Variants in WWC1 observed in about 807,000 individuals in gnomAD.
The protein encoded by WWC1 is protein KIBRA.
In WWC1, 55 loss-of-function variants were observed where a neutral mutation model predicts 138.4. The observed-to-expected ratio is 0.40, with a 90% confidence interval of 0.32 to 0.50. The LOEUF is 0.50. Among genes scored for constraint, WWC1 ranks in the 20% least tolerant of loss-of-function variants. The probability of loss-of-function intolerance (pLI) is 0.72; values close to 1 mark genes in which losing one functional copy is unlikely to be tolerated. For synonymous variants in WWC1, 524 were observed against 564.9 expected (o/e 0.93, Z 1.03); for missense variants, 1,226 against 1,420.4 (o/e 0.86, Z 2.20).
At chr5:168,383,080 G>A (rs1199551094) in intron 2 of WWC1, among the ~76,000 whole-genome samples, 1 of 151,790 alleles carries the variant, frequency 6.6e-6, no homozygotes, top group Non-Finnish European at 1.5e-5. Flanking sequence ...GGAGGCTGAG[G>A]CAGGGATAAT....
At chr5:168,393,902 G>A (rs928234591) in intron 3 of WWC1, among the ~76,000 whole-genome samples, 14 of 152,162 alleles carry the variant, frequency 9.2e-5, no homozygotes, top group Admixed American at 7.2e-4. Context: ...TAGAAACTAA[G>A]CAAACGTAAA....
At chr5:168,431,494 CTG>C in intron 15 of WWC1, 50 bp downstream of exon 15, 1 of 1,562,476 alleles carries the variant, frequency 6.4e-7, no homozygotes, top group Non-Finnish European at 8.6e-7. Flanking sequence ...GGCTGGCTGG[CTG>C]GCTGGCTGAC....
At chr5:168,426,653 C>T (rs969939864) in intron 11 of WWC1, among the ~76,000 whole-genome samples, 12 of 152,350 alleles carry the variant, frequency 7.9e-5, no homozygotes, top group East Asian at 1.9e-4. Flanking sequence ...GAGGTCTCCG[C>T]GGGCTCAGCA....
Position 168,423,539 on chromosome 5 carries a change from A to T in WWC1, c.1281A>T (p.Ser427=), listed in dbSNP as rs1477773292. The T allele has an allele frequency of 6.2e-7, 1 of 1,610,424 alleles. No homozygotes were observed. Among genetic ancestry groups the T allele is most frequent in the African/African-American group, 1.3e-5 (1 of 74,942 alleles). Residue 427 remains serine (S), a synonymous_variant, in exon 11 of 23, where the codon TCA becomes TCT. Transcript: ENST00000265293. ...ATLHSQLKSL[S]SSMQSLSSGS... is the part of the protein sequence containing the mutation. ...TCCCCTCCCTGTGTCCCAGTCTCTC[A>T]AGCAGCATGCAGTCCCTGTCCTCAG... is the stretch of plus-strand genomic sequence containing the variant.
rs57788100 is a variant in WWC1, at chr5:168,403,871, T to TACACACACACAC, written c.591-2298_591-2287dup. ...ATTTGGAAATCCTAAAACACATGCA[T>TACACACACACAC]ACACACACACACACACACACACACA... On this transcript the variant is annotated intron_variant, in intron 5 of 22. Transcript: ENST00000265293. 4.9e-3 allele frequency among the ~76,000 whole-genome samples: 664 copies of TACACACACACAC among 134,410 alleles called. 4 individuals are homozygous for TACACACACACAC. Among genetic ancestry groups the TACACACACACAC allele is most frequent in the African/African-American group, 0.012 (412 of 35,318 alleles). The allele number at this position is 134,410 out of a possible 152,430, so 88.2% of individuals were successfully genotyped here.
Position 168,292,185 on chromosome 5 carries a change from C to A in WWC1, c.33C>A (p.Gly11=). The A allele has an allele frequency of 6.4e-7, 1 of 1,551,806 alleles. No individual in the cohort carries two copies. The highest frequency in any genetic ancestry group is 8.7e-7 in the Non-Finnish European group (1 of 1,147,924). MPRPELPLPE[G]WEEARDFDGK... Reference sequence around the variant, plus strand: ...GGCCGGAGCTGCCCCTGCCGGAGGGCTGGGAGGAGGCGCGCGACTTCGACG... The same window carrying A: ...GGCCGGAGCTGCCCCTGCCGGAGGGATGGGAGGAGGCGCGCGACTTCGACG... The change falls in exon 1 of 23, where the codon GGC becomes GGA. Residue 11 remains glycine (G), a synonymous_variant. Transcript: ENST00000265293. The surrounding 1 kb of genome is among the most constrained non-coding windows in gnomAD (Gnocchi z 4.4).
At chr5:168,341,416 A>G (rs1400624249) in intron 1 of WWC1, among the ~76,000 whole-genome samples, 1 of 152,134 alleles carries the variant, frequency 6.6e-6, no homozygotes, top group Non-Finnish European at 1.5e-5. Flanking sequence ...AGCACCCCAT[A>G]GGCACAAGGC....
intron 1 of WWC1, among the ~76,000 whole-genome samples, chr5:168,352,490 C>G (rs1008449472): frequency 7.9e-5 from 12 of 152,066 alleles, no homozygotes; most frequent in Non-Finnish European, 1.8e-4. Context: ...GGATTCAAAT[C>G]CCAGCTCTGC....
intron 2 of WWC1, among the ~76,000 whole-genome samples, chr5:168,375,780 G>A (rs574054737): frequency 1.3e-5 from 2 of 152,090 alleles, no homozygotes; most frequent in South Asian, 4.2e-4. Flanking sequence ...TCACCTTGTT[G>A]GCCAGGCTGG....
At chr5:168,357,235 A>G (rs1482618690) in intron 1 of WWC1, among the ~76,000 whole-genome samples, 1 of 151,912 alleles carries the variant, frequency 6.6e-6, no homozygotes, top group Non-Finnish European at 1.5e-5. Context: ...GTGCCCACTC[A>G]TAAGATGCTG....
chr5:168,372,044 A>T (rs62384068), intron 2 of WWC1, among the ~76,000 whole-genome samples: 16 of 116,288 alleles, frequency 1.4e-4, no homozygotes, highest in Non-Finnish European at 1.3e-4. Context: ...AGAGAGAGAA[A>T]GAGTGTGTTT....
In WWC1 at chr5:168,401,367, A is replaced by G. The variant is rs566958782; in HGVS notation, c.590+1800A>G. 1.8e-3 allele frequency among the ~76,000 whole-genome samples: 268 copies of G among 152,288 alleles called. 2 individuals are homozygous for G. Among genetic ancestry groups the G allele is most frequent in the South Asian group, 7.5e-3 (36 of 4,818 alleles). ...ACATTCCCAGGGAGGCCACACCTGT[A>G]TGGATGGCTGTTTCTCGCTTTTTGT... On this transcript the variant is annotated intron_variant, in intron 5 of 22. Transcript: ENST00000265293.
At chr5:168,410,160 CAG>C in intron 8 of WWC1, 165 bp downstream of exon 8, 1 of 735,246 alleles carries the variant, frequency 1.4e-6, no homozygotes, top group Non-Finnish European at 2.2e-6. Context: ...CTCTGAAATT[CAG>C]AGAGGAAATG....
chr5:168,382,267 T>C (rs1022595432), intron 2 of WWC1, among the ~76,000 whole-genome samples: 95 of 152,172 alleles, frequency 6.2e-4, no homozygotes, highest in African/African-American at 2.2e-3. Flanking sequence ...CCATGTTGCA[T>C]TAAAGTAACC....
intron 17 of WWC1, among the ~76,000 whole-genome samples, chr5:168,448,399 A>AT (rs200286190): frequency 1.2e-3 from 183 of 151,764 alleles, no homozygotes; most frequent in Middle Eastern, 3.4e-3. Flanking sequence ...AGAAAACTGG[A>AT]TTTTTTTTTA....
chr5:168,355,474 ACAAGAGTGAGACTCCGTCT>A (rs1185263331), intron 1 of WWC1, among the ~76,000 whole-genome samples: 1 of 141,664 alleles, frequency 7.1e-6, no homozygotes, highest in Non-Finnish European at 1.5e-5. Flanking sequence ...AGCCTGGGTG[ACAAGAGTGAGACTCCGTCT>A]CAAAAAAAAA....
chr5:168,389,351 G>T (rs1778291327), intron 3 of WWC1, among the ~76,000 whole-genome samples: 1 of 151,534 alleles, frequency 6.6e-6, no homozygotes, highest in South Asian at 2.1e-4. Context: ...GGAGGCTGAG[G>T]CAGGAGAATC....
chr5:168,350,438 G>A (rs4976593), intron 1 of WWC1, among the ~76,000 whole-genome samples: 92,407 of 151,984 alleles, frequency 0.61, 29,519 homozygotes, highest in East Asian at 0.83. Context: ...CTTGGTGGCA[G>A]AAATCCAACA....
chr5:168,297,808 A>AT, intron 1 of WWC1, among the ~76,000 whole-genome samples: 1 of 152,144 alleles, frequency 6.6e-6, no homozygotes, highest in East Asian at 1.9e-4. Context: ...ATTCACACAT[A>AT]TTTTATGTGC....
Sources: allele counts gnomAD v4.1 joint callset (sites outside exome capture counted in the v4.1 genomes callset), GRCh38; gene constraint gnomAD v4.1.1; non-coding constraint Gnocchi (gnomAD v3.1); transcripts MANE v1.5; gene names NCBI Gene and HGNC (gene_info 2026-07-23, HGNC 2026-07-21).